The following STK32B variants were observed in gnomAD, a reference collection of about 807,000 sequenced individuals.
The protein encoded by STK32B is serine/threonine kinase 32B, also known as serine/threonine-protein kinase 32B.
STK32B carries 43 observed loss-of-function variants against 52.6 expected under a neutral mutation model. The ratio of observed to expected loss-of-function variants is 0.82; its 90% CI spans 0.64 to 1.05. STK32B has a LOEUF of 1.05. STK32B is among the 50% of genes least tolerant of loss of function. The pLI is 0.00. For synonymous variants in STK32B, 238 were observed against 204.3 expected, an observed-to-expected ratio of 1.17 and a Z score of -1.41; for missense variants, 621 against 534.6, an observed-to-expected ratio of 1.16 and a Z score of -1.59.
chr4:5,095,815 G>C (rs142643743), intron 1 of STK32B, among the ~76,000 whole-genome samples: 1 of 152,146 alleles, frequency 6.6e-6, no homozygotes, highest in Non-Finnish European at 1.5e-5. Context: ...CAACATACGC[G>C]ATGTGTTTCA....
At chr4:5,351,545 C>T (rs1733826348) in intron 4 of STK32B, among the ~76,000 whole-genome samples, 1 of 151,708 alleles carries the variant, frequency 6.6e-6, no homozygotes, top group South Asian at 2.1e-4. Flanking sequence ...AATGATTTAC[C>T]TCAAGGAATT....
chr4:5,348,225 CA>C (rs1733596314), intron 4 of STK32B, among the ~76,000 whole-genome samples: 1 of 152,202 alleles, frequency 6.6e-6, no homozygotes, highest in South Asian at 2.1e-4. Flanking sequence ...GAGAGCCCCT[CA>C]ATCTTTCTGG....
Position 5,400,983 on chromosome 4 carries a change from G to A in STK32B, c.472+2739G>A, listed in dbSNP as rs1243220517. 6.6e-6 allele frequency among the ~76,000 whole-genome samples: 1 copy of A among 152,140 alleles called. No homozygotes were observed. Among genetic ancestry groups the A allele is most frequent in the African/African-American group, 2.4e-5 (1 of 41,418 alleles). Reference sequence around the variant, plus strand: ...AAGGTGTGTGCGGGGTTGTCTTAGAGGCAGCCGCATGACAGTGGGATCCTG... The same window carrying A: ...AAGGTGTGTGCGGGGTTGTCTTAGAAGCAGCCGCATGACAGTGGGATCCTG... On this transcript the variant is annotated intron_variant, in intron 5 of 11. Transcript: ENST00000282908. This position sits in a 1 kb window ranked among gnomAD's most constrained non-coding sequence, Gnocchi z 6.1.
At chr4:5,279,891 G>A (rs553516970) in intron 3 of STK32B, among the ~76,000 whole-genome samples, 10 of 152,194 alleles carry the variant, frequency 6.6e-5, no homozygotes, top group Non-Finnish European at 1.3e-4. Flanking sequence ...AATACAGGGT[G>A]CCATGTCCCA....
intron 3 of STK32B, among the ~76,000 whole-genome samples, chr4:5,232,270 TTAA>T (rs1452517830): frequency 3.3e-5 from 5 of 152,208 alleles, no homozygotes; most frequent in African/African-American, 4.8e-5. Flanking sequence ...AATTTATGAT[TTAA>T]TAATATGTGG....
chr4:5,065,253 C>A (rs1454196758), intron 1 of STK32B, among the ~76,000 whole-genome samples: 1 of 152,166 alleles, frequency 6.6e-6, no homozygotes, highest in Non-Finnish European at 1.5e-5. Flanking sequence ...TAAGTAGAGT[C>A]AAAGAGGACT....
At chr4:5,346,562 G>C (rs1182430659) in intron 4 of STK32B, among the ~76,000 whole-genome samples, 2 of 152,322 alleles carry the variant, frequency 1.3e-5, no homozygotes, top group East Asian at 3.9e-4. Context: ...GGGTCACCCT[G>C]TGTGTAGACA....
chr4:5,073,915 C>A (rs1711924380), intron 1 of STK32B, among the ~76,000 whole-genome samples: 1 of 151,738 alleles, frequency 6.6e-6, no homozygotes, highest in Admixed American at 6.6e-5. Flanking sequence ...TTATCAGTTT[C>A]CCTATGATAT....
At chr4:5,164,032 G>A (rs1209271893) in intron 2 of STK32B, among the ~76,000 whole-genome samples, 1 of 152,232 alleles carries the variant, frequency 6.6e-6, no homozygotes, top group Non-Finnish European at 1.5e-5. Context: ...CCATTTCACA[G>A]TAGAGGAAAC....
intron 11 of STK32B, among the ~76,000 whole-genome samples, chr4:5,468,873 AC>A (rs1315642409): frequency 6.6e-6 from 1 of 151,952 alleles, no homozygotes; most frequent in Non-Finnish European, 1.5e-5. Flanking sequence ...CCACGGTGAA[AC>A]CCCGTCTCTT....
intron 3 of STK32B, among the ~76,000 whole-genome samples, chr4:5,262,918 AATC>A (rs1187343453): frequency 1.3e-5 from 2 of 152,136 alleles, no homozygotes; most frequent in Non-Finnish European, 2.9e-5. Flanking sequence ...ATGAAAGTAA[AATC>A]ATTGAGTTGG....
rs1003902894 is a variant in STK32B, at chr4:5,428,408, A to T, written c.562+11474A>T. On this transcript the variant is annotated intron_variant, in intron 6 of 11. Coordinates refer to ENST00000282908, the MANE Select transcript of STK32B (RefSeq NM_018401.3). ...GGGCAACAAAGTGAGACTCTGTCTA[A>T]AAAAAACAAAACAAACAAACAAAAA... Among the ~76,000 whole-genome samples, 9 of 152,146 alleles carry T rather than the reference A, an allele frequency of 5.9e-5. No individual in the cohort carries two copies. The South Asian group carries it at 6.2e-4, about 11-fold the overall frequency.
At chr4:5,214,644 A>C (rs1488395524) in intron 3 of STK32B, among the ~76,000 whole-genome samples, 3 of 152,224 alleles carry the variant, frequency 2.0e-5, no homozygotes, top group Non-Finnish European at 2.9e-5. Flanking sequence ...ATAATAACAC[A>C]AGAAACTTAA....
intron 11 of STK32B, among the ~76,000 whole-genome samples, chr4:5,477,980 T>C (rs1427145589): frequency 6.6e-6 from 1 of 151,984 alleles, no homozygotes; most frequent in East Asian, 1.9e-4. Context: ...GCGGAAAAGC[T>C]CAGCCTCACC....
intron 4 of STK32B, among the ~76,000 whole-genome samples, chr4:5,334,623 T>C (rs1577361454): frequency 6.6e-6 from 1 of 152,050 alleles, no homozygotes; most frequent in African/African-American, 2.4e-5. Flanking sequence ...TTGTCATAGA[T>C]AGCTCTTATT....
chr4:5,336,375 C>T (rs1732695291), intron 4 of STK32B, among the ~76,000 whole-genome samples: 1 of 151,918 alleles, frequency 6.6e-6, no homozygotes, highest in South Asian at 2.1e-4. Flanking sequence ...AAGTTAATGA[C>T]ATCATAGGAT....
At chr4:5,463,286 C>T (rs1177470959) in intron 9 of STK32B, among the ~76,000 whole-genome samples, 1 of 152,274 alleles carries the variant, frequency 6.6e-6, no homozygotes, top group South Asian at 2.1e-4. Flanking sequence ...AGCACTTCCT[C>T]GAGTGCTGTC....
At chr4:5,411,547 G>T (rs566226817) in intron 5 of STK32B, among the ~76,000 whole-genome samples, 36 of 152,318 alleles carry the variant, frequency 2.4e-4, no homozygotes, top group African/African-American at 8.4e-4. Flanking sequence ...ATCTAGAGAT[G>T]ATTTAAAGTG....
the STK32B span, among the ~76,000 whole-genome samples, chr4:5,030,696 C>A: frequency 1.3e-5 from 2 of 152,160 alleles, no homozygotes; most frequent in Non-Finnish European, 2.9e-5. Flanking sequence ...AATAGTGGAG[C>A]CCAGGTTCAA....
Sources: gnomAD v4.1 joint callset for allele counts (sites outside exome capture counted in the v4.1 genomes callset) on GRCh38, gnomAD v4.1.1 for gene constraint, Gnocchi (gnomAD v3.1) non-coding constraint, MANE v1.5 for transcripts, NCBI Gene and HGNC (gene_info 2026-07-23, HGNC 2026-07-21) for gene names.